The following LHFPL3 variants were observed in gnomAD, a reference collection of about 807,000 sequenced individuals.
LHFPL3 encodes LHFPL tetraspan subfamily member 3 protein.
In LHFPL3, 5 loss-of-function variants were observed where a neutral mutation model predicts 19.3. That is an observed-to-expected ratio of 0.26 (90% CI 0.14 to 0.54). LHFPL3 has a LOEUF of 0.54. Ranked by LOEUF, LHFPL3 falls within the 20% of genes least tolerant of loss-of-function variation. The pLI, the probability that LHFPL3 is intolerant of heterozygous loss-of-function variation, is 0.94. For synonymous variants in LHFPL3, 133 were observed against 126.2 expected, an observed-to-expected ratio of 1.05 and a Z score of -0.36; for missense variants, 249 against 307.4, an observed-to-expected ratio of 0.81 and a Z score of 1.42.
intron 1 of LHFPL3, among the ~76,000 whole-genome samples, chr7:104,370,553 G>A (rs1358308322): frequency 2.6e-5 from 4 of 152,108 alleles, no homozygotes; most frequent in East Asian, 3.9e-4. Context: ...GTTTAATAAC[G>A]TGCACAGGTA....
intron 1 of LHFPL3, among the ~76,000 whole-genome samples, chr7:104,473,363 T>G (rs1241855095): frequency 6.6e-6 from 1 of 152,232 alleles, no homozygotes; most frequent in East Asian, 1.9e-4. Context: ...AGCCTACACT[T>G]TCTTTTTACT....
chr7:104,465,228 A>T, intron 1 of LHFPL3, among the ~76,000 whole-genome samples: 1 of 151,812 alleles, frequency 6.6e-6, no homozygotes, highest in Non-Finnish European at 1.5e-5. Flanking sequence ...CCATATCACC[A>T]TATGGACTTC....
chr7:104,677,061 A>G (rs1027992342), intron 1 of LHFPL3, among the ~76,000 whole-genome samples: 1 of 152,244 alleles, frequency 6.6e-6, no homozygotes, highest in Admixed American at 6.5e-5. Flanking sequence ...ATTAAAAACA[A>G]TGTCATATAA....
At chr7:104,341,670 G>A (rs1789955900) in intron 1 of LHFPL3, among the ~76,000 whole-genome samples, 1 of 152,156 alleles carries the variant, frequency 6.6e-6, no homozygotes, top group Admixed American at 6.6e-5. Flanking sequence ...AAGATGAGCA[G>A]GATAGGGAAA....
In LHFPL3 at chr7:104,892,396, A is replaced by T. The variant is rs928835123; in HGVS notation, c.683-13791A>T. 3.9e-5 allele frequency among the ~76,000 whole-genome samples: 6 copies of T among 152,188 alleles called. No homozygotes were observed. In the South Asian group the frequency reaches 1.2e-3, roughly 32 times the overall value. The stretch of plus-strand genomic sequence containing the variant: ...AAAACAGAAAAAGAAAAATCAGACA[A>T]TTTTTCTTTTTCAGAGTCAAAAAAC... On this transcript the variant is annotated intron_variant, in intron 2 of 2. Coordinates refer to ENST00000424859, the MANE Select transcript of LHFPL3 (RefSeq NM_199000.3).
chr7:104,846,471 C>A (rs555192760), intron 2 of LHFPL3, among the ~76,000 whole-genome samples: 1 of 152,200 alleles, frequency 6.6e-6, no homozygotes, highest in African/African-American at 2.4e-5. Flanking sequence ...GTGTTGAGAC[C>A]CAACCCATCG....
chr7:104,359,188 A>T (rs1427580894), intron 1 of LHFPL3, among the ~76,000 whole-genome samples: 8 of 152,178 alleles, frequency 5.3e-5, no homozygotes, highest in African/African-American at 2.4e-5. Flanking sequence ...ATTGCCCTCA[A>T]TACAGAGATT....
At chr7:104,366,719 C>G (rs1005750186) in intron 1 of LHFPL3, among the ~76,000 whole-genome samples, 2 of 152,108 alleles carry the variant, frequency 1.3e-5, no homozygotes, top group African/African-American at 4.8e-5. Flanking sequence ...CTCCTGCTTG[C>G]CAGTATGAAT....
chr7:104,515,701 TA>T (rs1488059831), intron 1 of LHFPL3, among the ~76,000 whole-genome samples: 1 of 152,088 alleles, frequency 6.6e-6, no homozygotes, highest in Non-Finnish European at 1.5e-5. Flanking sequence ...ACAAAAGCAA[TA>T]CGAAAAGGAG....
intron 1 of LHFPL3, among the ~76,000 whole-genome samples, chr7:104,683,205 G>T (rs949887341): frequency 6.6e-6 from 1 of 152,166 alleles, no homozygotes; most frequent in African/African-American, 2.4e-5. Flanking sequence ...GGCCAGACTG[G>T]TCTCAAATTC....
At chr7:104,776,895 A>G (rs1794645233) in intron 2 of LHFPL3, among the ~76,000 whole-genome samples, 1 of 151,964 alleles carries the variant, frequency 6.6e-6, no homozygotes, top group Admixed American at 6.6e-5. Context: ...GTGGCTGAAA[A>G]CCCTTCACCC....
chr7:104,695,964 T>G (rs930369949), intron 1 of LHFPL3, among the ~76,000 whole-genome samples: 1 of 152,196 alleles, frequency 6.6e-6, no homozygotes, highest in African/African-American at 2.4e-5. Context: ...TGTTGTTGTT[T>G]TTTTGAGAAG....
At chr7:104,773,273 G>A (rs1411604241) in intron 2 of LHFPL3, among the ~76,000 whole-genome samples, 6 of 152,220 alleles carry the variant, frequency 3.9e-5, no homozygotes, top group Non-Finnish European at 8.8e-5. Context: ...GCCTCTGGGG[G>A]TGGGCCCAGT....
chr7:104,662,354 T>C (rs1792239270), intron 1 of LHFPL3, among the ~76,000 whole-genome samples: 2 of 152,194 alleles, frequency 1.3e-5, no homozygotes, highest in South Asian at 4.1e-4. Flanking sequence ...CTTTCACTCT[T>C]CCAGACATTT....
chr7:104,483,944 T>C (rs977888103), intron 1 of LHFPL3, among the ~76,000 whole-genome samples: 2 of 152,188 alleles, frequency 1.3e-5, no homozygotes, highest in African/African-American at 2.4e-5. Context: ...AGTCATTTTA[T>C]ATAAGATTCA....
chr7:104,694,211 C>A (rs975017451), intron 1 of LHFPL3, among the ~76,000 whole-genome samples: 3 of 152,154 alleles, frequency 2.0e-5, no homozygotes, highest in African/African-American at 7.2e-5. Context: ...CAGAAAATAT[C>A]AATTTACAGT....
intron 1 of LHFPL3, among the ~76,000 whole-genome samples, chr7:104,556,731 AATGAGATT>A (rs1296662027): frequency 6.6e-6 from 1 of 152,230 alleles, no homozygotes; most frequent in Non-Finnish European, 1.5e-5. Flanking sequence ...CTTCTCAGAA[AATGAGATT>A]TTCTTTAACA....
chr7:104,832,763 G>C (rs1186988392), intron 2 of LHFPL3, among the ~76,000 whole-genome samples: 1 of 148,802 alleles, frequency 6.7e-6, no homozygotes, highest in Non-Finnish European at 1.5e-5. Context: ...GATCACTTGA[G>C]GTCAGGAGTT....
In LHFPL3 at chr7:104,906,820, T is replaced by A. The variant is rs1792624334; in HGVS notation, c.*605T>A. On this transcript the variant is annotated 3_prime_UTR_variant, in exon 3 of 3. Transcript: ENST00000424859. Reference sequence around the variant, plus strand: ...ACAACCACTCAGTTATTAAGAGACGTAACGCTTCAAACTTTTTACCAAGTC... The same window carrying A: ...ACAACCACTCAGTTATTAAGAGACGAAACGCTTCAAACTTTTTACCAAGTC... 1 of 152,764 alleles carries A rather than the reference T, an allele frequency of 6.5e-6. No individual in the cohort carries two copies. Among genetic ancestry groups the A allele is most frequent in the Non-Finnish European group, 1.5e-5 (1 of 68,132 alleles). 9.5% of individuals were successfully genotyped at this position (152,764 alleles called of 1,614,324 possible).
Sources: allele counts gnomAD v4.1 joint callset (sites outside exome capture counted in the v4.1 genomes callset), GRCh38; gene constraint gnomAD v4.1.1; transcripts MANE v1.5; gene names NCBI Gene and HGNC (gene_info 2026-07-23, HGNC 2026-07-21).